The following MYO15A variants were observed in gnomAD, a reference collection of about 807,000 sequenced individuals.
The protein encoded by MYO15A is unconventional myosin-XV.
In MYO15A, 308 loss-of-function variants were observed where a neutral mutation model predicts 394.6. The observed-to-expected ratio is 0.78, with a 90% CI of 0.71 to 0.86. The LOEUF is 0.86. Ranked by LOEUF, MYO15A falls within the 40% of genes least tolerant of loss-of-function variation. The probability of loss-of-function intolerance (pLI) is 0.00; values close to 1 mark genes in which losing one functional copy is unlikely to be tolerated. For missense variants in MYO15A, 4,606 were observed against 4,799.1 expected, an observed-to-expected ratio of 0.96 and a Z score of 1.19; for synonymous variants, 1,957 against 2,003.8, an observed-to-expected ratio of 0.98 and a Z score of 0.62.
Position 18,121,461 on chromosome 17 carries a change from G to A in MYO15A, c.2661G>A (p.Val887=), listed in dbSNP as rs1489257581. The part of the protein sequence containing the change: ...EPPTRAVKPQ[V]RLPFHRPPRA... ...CCACTCGGGCTGTGAAGCCGCAAGT[G>A]CGCCTGCCCTTCCACCGACCGCCCA... is the stretch of plus-strand genomic sequence containing the variant. Residue 887 remains valine (V), a synonymous_variant, in exon 2 of 66, where the codon GTG becomes GTA. Transcript: ENST00000647165. This position sits in a 1 kb window ranked among gnomAD's most constrained non-coding sequence, Gnocchi z 5.3. 1.3e-6 allele frequency: 2 copies of A among 1,549,340 alleles called. No homozygotes were observed. Among genetic ancestry groups the A allele is most frequent in the Non-Finnish European group, 8.7e-7 (1 of 1,147,000 alleles).
Position 18,121,581 on chromosome 17 carries a change from C to T in MYO15A, c.2781C>T (p.Pro927=), listed in dbSNP as rs749602488. The T allele has an allele frequency of 6.3e-6, 10 of 1,596,684 alleles. No homozygotes were observed. The highest frequency in any genetic ancestry group is 8.5e-6 in the Non-Finnish European group (10 of 1,171,704). ...ETPWTVPPLA[P]SWDVDMPPTQ... ...CCTGGACTGTGCCCCCACTGGCCCC[C>T]AGCTGGGACGTGGACATGCCTCCCA... The change falls in exon 2 of 66, where the codon CCC becomes CCT. Residue 927 remains proline (P), a synonymous_variant. Transcript: ENST00000647165. This position sits in a 1 kb window ranked among gnomAD's most constrained non-coding sequence, Gnocchi z 5.3.
chr17:18,127,048 G>A, intron 6 of MYO15A, 27 bp from the exon 7 acceptor site: 1 of 1,613,536 alleles, frequency 6.2e-7, no homozygotes, highest in South Asian at 1.1e-5. Context: ...AAAGGTTGGA[G>A]CTCACTCTGC....
At chr17:18,126,962 G>A in intron 6 of MYO15A, 97 bp downstream of exon 6, 1 of 1,592,584 alleles carries the variant, frequency 6.3e-7, no homozygotes, top group Non-Finnish European at 8.6e-7. Context: ...AAGATTGCCT[G>A]GTACCTCTGG....
chr17:18,138,066 G>GGGGGGGGGGGGGGGGGGGCC, intron 16 of MYO15A, 49 bp from the exon 17 acceptor site: 1 of 558,806 alleles, frequency 1.8e-6, no homozygotes, highest in African/African-American at 2.9e-5. Context: ...GGGTGGGTGG[G>GGGGGGGGGGGGGGGGGGGCC]CCCTGGACAG....
At position 18,136,788 on chromosome 17, in the gene MYO15A, A is replaced by T. The variant is rs899989210; in HGVS notation, c.4779+102A>T. 2.7e-6 allele frequency: 4 copies of T among 1,476,150 alleles called. No homozygotes were observed. The African/African-American group carries it at 4.2e-5, about 15-fold the overall frequency. 91.4% of individuals were successfully genotyped at this position (1,476,150 alleles called of 1,614,324 possible). A position where few individuals can be genotyped will look rare whatever the true frequency, so the allele number is the denominator to read the frequency against. On this transcript the variant is annotated intron_variant, in intron 15 of 65. Coordinates refer to ENST00000647165, the MANE Select transcript of MYO15A (RefSeq NM_016239.4). The stretch of plus-strand genomic sequence containing the variant: ...TCCCATCCCTTTCTGTGCCTGCAGC[A>T]GGTGCCATCCTCCCTTCATGGACCC...
intron 1 of MYO15A, among the ~76,000 whole-genome samples, chr17:18,116,758 A>G (rs2045792272): frequency 6.6e-6 from 1 of 152,138 alleles, no homozygotes; most frequent in Non-Finnish European, 1.5e-5. Context: ...CGTCTCTACT[A>G]AAAATACAAA....
At chr17:18,178,569 C>A in intron 65 of MYO15A, 200 bp from the exon 66 acceptor site, 1 of 672,742 alleles carries the variant, frequency 1.5e-6, no homozygotes, top group Non-Finnish European at 2.7e-6. Context: ...GCTTGCTTAC[C>A]CCTTGCAGCC....
chr17:18,156,028 G>C (rs1487322378), intron 47 of MYO15A, 167 bp from the exon 48 acceptor site: 1 of 1,001,612 alleles, frequency 1.0e-6, no homozygotes, highest in Admixed American at 2.1e-5. Flanking sequence ...GCCACAGCCT[G>C]GGTCAGAGAG....
chr17:18,121,304 C>T lies in MYO15A; in HGVS notation c.2504C>T (p.Pro835Leu). 2 of 1,331,076 alleles carry T rather than the reference C, an allele frequency of 1.5e-6. No homozygotes were observed. Among genetic ancestry groups the T allele is most frequent in the South Asian group, 1.8e-5 (1 of 56,136 alleles). The allele number at this position is 1,331,076 out of a possible 1,614,324, so 82.5% of individuals were successfully genotyped here. ...CGCCGAGCCGCTGGGCGCCTGGGCC[C>T]ACCCGGCTCGCCGCTGCCGGGCTCA... is the stretch of plus-strand genomic sequence containing the variant. ...APRRAAGRLGPPGSPLPGSPR... is the reference protein window; with the variant it reads ...APRRAAGRLGLPGSPLPGSPR... Residue 835 changes from proline (P) to leucine (L), a missense_variant, in exon 2 of 66, where the codon CCA (proline) becomes CTA (leucine). Pro to Leu is a moderately conservative substitution (Grantham distance 98). This residue lies in a region of MYO15A where 1,830 missense variants were observed against 1,689.7 expected (regional missense o/e 1.08). Coordinates refer to ENST00000647165, the MANE Select transcript of MYO15A (RefSeq NM_016239.4). The surrounding 1 kb of genome is among the most constrained non-coding windows in gnomAD (Gnocchi z 5.3).
At chr17:18,170,566 C>A (rs978412981) in intron 62 of MYO15A, among the ~76,000 whole-genome samples, 3 of 151,962 alleles carry the variant, frequency 2.0e-5, no homozygotes, top group African/African-American at 2.4e-5. Flanking sequence ...ACCATGTTGA[C>A]CAGACTGGTC....
chr17:18,121,416 G>A lies in MYO15A; in HGVS notation c.2616G>A (p.Trp872Ter). 6.5e-7 allele frequency: 1 copy of A among 1,542,242 alleles called. No homozygotes were observed. ...LNLPSRLPHT[W>*]RRLSEPPTRA... ...TGCCCTCGCGCCTCCCGCACACGTGGCGGCGCCTCAGCGAGCCACCCACTC... is the reference window on the plus strand; with the variant it reads ...TGCCCTCGCGCCTCCCGCACACGTGACGGCGCCTCAGCGAGCCACCCACTC... Residue 872 changes from tryptophan (W) to a stop codon, truncating the protein, a stop_gained, in exon 2 of 66, where the codon TGG (tryptophan) becomes TGA (stop). Transcript: ENST00000647165. LOFTEE classifies it high-confidence loss of function. This position sits in a 1 kb window ranked among gnomAD's most constrained non-coding sequence, Gnocchi z 5.3.
intron 64 of MYO15A, among the ~76,000 whole-genome samples, chr17:18,173,068 G>C (rs192881377): frequency 6.6e-6 from 1 of 152,304 alleles, no homozygotes; most frequent in East Asian, 1.9e-4. Context: ...AGCCAGTAGA[G>C]GGGGTGTTAG....
Position 18,166,354 on chromosome 17 carries a change from T to G in MYO15A, c.9788-7T>G. On this transcript the variant is annotated splice_polypyrimidine_tract_variant and splice_region_variant and intron_variant, in intron 60 of 65. Transcript: ENST00000647165. ...CCCACCCAGCCCTGCCTCCCTGCTC[T>G]CTGCAGGCCAGCATGTGTGCCCACT... 1 of 1,612,122 alleles carries G rather than the reference T, an allele frequency of 6.2e-7. No homozygotes were observed. Among genetic ancestry groups the G allele is most frequent in the South Asian group, 1.1e-5 (1 of 91,076 alleles).
At chr17:18,116,635 T>C (rs771978591) in intron 1 of MYO15A, among the ~76,000 whole-genome samples, 1 of 152,130 alleles carries the variant, frequency 6.6e-6, no homozygotes, top group Non-Finnish European at 1.5e-5. Flanking sequence ...AGAAAGAATG[T>C]CTCGGCTGGG....
intron 65 of MYO15A, 84 bp from the exon 66 acceptor site, chr17:18,178,685 C>A: frequency 7.5e-7 from 1 of 1,338,710 alleles, no homozygotes; most frequent in Non-Finnish European, 1.1e-6. Flanking sequence ...TATCTCCCAA[C>A]CACCTCTCCA....
intron 12 of MYO15A, 98 bp downstream of exon 12, chr17:18,133,484 A>G: frequency 6.9e-7 from 1 of 1,457,720 alleles, no homozygotes; most frequent in Non-Finnish European, 9.3e-7. Context: ...TACACTATGC[A>G]CATATCACTT....
chr17:18,154,070 C>T, intron 43 of MYO15A, 61 bp from the exon 44 acceptor site: 1 of 1,608,254 alleles, frequency 6.2e-7, no homozygotes, highest in East Asian at 2.2e-5. Flanking sequence ...GGGGCGGGGC[C>T]GGGTGTGAAG....
intron 1 of MYO15A, among the ~76,000 whole-genome samples, chr17:18,115,416 C>T (rs1376218604): frequency 2.0e-5 from 3 of 152,134 alleles, no homozygotes; most frequent in Admixed American, 6.5e-5. Context: ...GTCAGGAGTT[C>T]GAAACCAGCC....
At chr17:18,137,747 G>T in intron 16 of MYO15A, 68 bp downstream of exon 16, 1 of 1,516,938 alleles carries the variant, frequency 6.6e-7, no homozygotes, top group South Asian at 1.2e-5. Context: ...GGAGACAGAT[G>T]AGGATATACT....
Sources: allele counts gnomAD v4.1 joint callset (sites outside exome capture counted in the v4.1 genomes callset), GRCh38; gene constraint gnomAD v4.1.1; regional missense constraint gnomAD v4.1.1; non-coding constraint Gnocchi (gnomAD v3.1); transcripts MANE v1.5; gene names NCBI Gene and HGNC (gene_info 2026-07-23, HGNC 2026-07-21).